SHANK2: variants seen among roughly 807,000 people sequenced by gnomAD.
SHANK2 encodes SH3 and multiple ankyrin repeat domains 2.
Under a neutral mutation model 133.7 loss-of-function variants are expected in SHANK2, and 43 were observed. The observed-to-expected ratio is 0.32, with a 90% CI of 0.25 to 0.41. The LOEUF (loss-of-function observed/expected upper bound fraction) is 0.41, where lower values mean the gene tolerates loss of function less well. Ranked by LOEUF, SHANK2 falls within the 10% of genes least tolerant of loss-of-function variation. The probability of loss-of-function intolerance (pLI) is 1.00; values close to 1 mark genes in which losing one functional copy is unlikely to be tolerated. For synonymous variants in SHANK2, 1,017 were observed against 952.8 expected, an observed-to-expected ratio of 1.07 and a Z score of -1.24; for missense variants, 1,994 against 2,235.8, an observed-to-expected ratio of 0.89 and a Z score of 2.18.
At chr11:70,852,446 G>A (rs1164202545) in intron 11 of SHANK2, among the ~76,000 whole-genome samples, 7 of 152,222 alleles carry the variant, frequency 4.6e-5, no homozygotes, top group African/African-American at 1.7e-4. Flanking sequence ...AGGGTTGCAG[G>A]GGAAGGGCAG....
intron 3 of SHANK2, among the ~76,000 whole-genome samples, chr11:71,142,994 G>C (rs1316069327): frequency 1.1e-4 from 16 of 152,226 alleles, no homozygotes; most frequent in Admixed American, 1.0e-3. Context: ...AGCACTTTGG[G>C]AGGCCGAGGC....
chr11:71,211,090 T>G (rs532540737), intron 2 of SHANK2, among the ~76,000 whole-genome samples: 1 of 151,942 alleles, frequency 6.6e-6, no homozygotes, highest in Non-Finnish European at 1.5e-5. Context: ...AAGTTCACGA[T>G]GACAGCTCCC....
At chr11:70,781,558 T>TTATTTA (rs71049941) in intron 14 of SHANK2, among the ~76,000 whole-genome samples, 11 of 28,962 alleles carry the variant, frequency 3.8e-4, no homozygotes, top group South Asian at 1.8e-3. Flanking sequence ...TACTTACTTA[T>TTATTTA]TATATATATA....
At chr11:71,117,414 C>T (rs1951998192) in intron 4 of SHANK2, among the ~76,000 whole-genome samples, 1 of 152,142 alleles carries the variant, frequency 6.6e-6, no homozygotes, top group African/African-American at 2.4e-5. Context: ...TGGCAGAGTT[C>T]CTAAAACCTT....
intron 15 of SHANK2, among the ~76,000 whole-genome samples, chr11:70,671,790 T>C (rs1377602249): frequency 1.1e-4 from 17 of 152,128 alleles, no homozygotes; most frequent in African/African-American, 4.1e-4. Context: ...AAGCAAGGGA[T>C]GCCAGGATGC....
At chr11:70,618,619 G>A (rs1011981625) in intron 17 of SHANK2, among the ~76,000 whole-genome samples, 5 of 152,140 alleles carry the variant, frequency 3.3e-5, no homozygotes, top group Non-Finnish European at 5.9e-5. Flanking sequence ...GCAGAATTAC[G>A]AGGCATTTCA....
rs552784145 is a variant in SHANK2, at chr11:70,698,695, T to C, written c.1846A>G (p.Thr616Ala). ...YTVGSYDSFD[T>A]SSDCIIEEKT... Reference sequence around the variant, plus strand: ...GAAAGCAGCGCGTCTTACCTGGAAGTGTCGAAGCTGTCATAGGAGCCCACG... The same window carrying C: ...GAAAGCAGCGCGTCTTACCTGGAAGCGTCGAAGCTGTCATAGGAGCCCACG... Residue 616 changes from threonine to alanine, a missense_variant, in exon 15 of 26, where the codon ACT becomes GCT. Physicochemically the swap from Thr to Ala is moderately conservative, Grantham distance 58. This residue lies in a region of SHANK2 where 653 missense variants were observed against 563.4 expected (regional missense o/e 1.16). Coordinates refer to ENST00000601538, the MANE Select transcript of SHANK2 (RefSeq NM_012309.5). 4.0e-4 allele frequency: 290 copies of C among 718,626 alleles called. No homozygotes were observed. The highest frequency in any genetic ancestry group is 1.8e-5 in the Non-Finnish European group (7 of 385,098). The allele number at this position is 718,626 out of a possible 1,614,324, so 44.5% of individuals were successfully genotyped here.
intron 17 of SHANK2, among the ~76,000 whole-genome samples, chr11:70,659,142 A>G (rs1338711656): frequency 6.6e-6 from 1 of 152,140 alleles, no homozygotes; most frequent in Non-Finnish European, 1.5e-5. Flanking sequence ...CCTCGCACAC[A>G]CCAACGTGCC....
At position 70,674,809 on chromosome 11, in the gene SHANK2, G is replaced by A. The variant is rs1555016837; in HGVS notation, c.1854-13131C>T. On this transcript the variant is annotated intron_variant, in intron 15 of 25. Transcript: ENST00000601538. ...AGCCATGACAATATGTAAATGATGG[G>A]TGGGGCTGTGTTCCAATAAAACTTT... Among the ~76,000 whole-genome samples the A allele has an allele frequency of 2.0e-5, 3 of 152,266 alleles. No individual in the cohort carries two copies. The East Asian group carries it at 5.8e-4, about 29-fold the overall frequency.
rs148432471 is a variant in SHANK2 at position 71,146,472 on chromosome 11, G to A, written c.207+648C>T. 4.9e-4 allele frequency among the ~76,000 whole-genome samples: 75 copies of A among 152,192 alleles called. 1 individual carries two copies. In the East Asian group the frequency reaches 0.011, roughly 22 times the overall value. ...CCAGTTCCCAGGGGCCAACCTCCTC[G>A]GGGAAGGCAAATCCAACAAAAGGGA... On this transcript the variant is annotated intron_variant, in intron 3 of 25. Transcript: ENST00000601538.
intron 10 of SHANK2, among the ~76,000 whole-genome samples, chr11:70,947,313 C>G (rs956020428): frequency 4.6e-5 from 7 of 151,724 alleles, no homozygotes; most frequent in African/African-American, 1.7e-4. Flanking sequence ...CTGCAGAGCA[C>G]CTGAAACATG....
Position 70,473,131 on chromosome 11 carries a change from G to A in SHANK2, c.5288C>T (p.Ser1763Leu). ...CTGTTGCAGTATCGAGGGGGATGGC[G>A]ACCTACTGCGTCCCGCTGGGTTCAA... ...FGLNPAGRSR[S>L]PSPSILQQPI... The change falls in exon 26 of 26, where the codon TCG becomes TTG. Residue 1763 changes from serine (S) to leucine (L), a missense_variant. Ser to Leu is a moderately radical substitution (Grantham distance 145). This residue lies in a region of SHANK2 where 797 missense variants were observed against 907.4 expected (regional missense o/e 0.88). Coordinates refer to ENST00000601538, the MANE Select transcript of SHANK2 (RefSeq NM_012309.5). This position sits in a 1 kb window ranked among gnomAD's most constrained non-coding sequence, Gnocchi z 5.9. The A allele has an allele frequency of 2.5e-6, 4 of 1,614,236 alleles. No homozygotes were observed. The highest frequency in any genetic ancestry group is 3.4e-6 in the Non-Finnish European group (4 of 1,180,038).
At chr11:70,592,611 C>G (rs782257696) in intron 17 of SHANK2, among the ~76,000 whole-genome samples, 14 of 152,196 alleles carry the variant, frequency 9.2e-5, no homozygotes, top group Middle Eastern at 3.4e-3. Context: ...CTGCACCCCC[C>G]GTTGAGGGCA....
intron 10 of SHANK2, chr11:70,933,165 G>C: frequency 2.2e-6 from 1 of 456,666 alleles, no homozygotes; most frequent in Non-Finnish European, 4.4e-6. Flanking sequence ...ATCCATGCAG[G>C]TGGAATATTA....
At chr11:71,201,634 T>C (rs1370918205) in intron 2 of SHANK2, among the ~76,000 whole-genome samples, 1 of 152,160 alleles carries the variant, frequency 6.6e-6, no homozygotes, top group East Asian at 1.9e-4. Flanking sequence ...ACTATTCCCA[T>C]TTTACAGATA....
At chr11:71,194,539 G>C (rs1395220321) in intron 2 of SHANK2, among the ~76,000 whole-genome samples, 1 of 152,294 alleles carries the variant, frequency 6.6e-6, no homozygotes, top group African/African-American at 2.4e-5. Flanking sequence ...AGGTGCCAAT[G>C]GGAGGGGGGC....
intron 10 of SHANK2, among the ~76,000 whole-genome samples, chr11:70,909,438 GC>G (rs369964229): frequency 1.3e-5 from 2 of 152,100 alleles, no homozygotes; most frequent in Admixed American, 6.6e-5. Context: ...GAGTGATCAA[GC>G]TGATCATAAT....
At chr11:71,149,945 A>G (rs115570259) in intron 2 of SHANK2, among the ~76,000 whole-genome samples, 328 of 5,056 alleles carry the variant, frequency 0.065, 42 homozygotes, top group African/African-American at 0.22. Context: ...GGGGAGGGGA[A>G]GGAGGGAGAG....
chr11:71,062,086 G>A (rs1483204465), intron 9 of SHANK2, among the ~76,000 whole-genome samples: 6 of 147,074 alleles, frequency 4.1e-5, no homozygotes, highest in African/African-American at 1.3e-4. Flanking sequence ...CTCTCAAGTA[G>A]CTAGGATTAC....
Sources: allele counts gnomAD v4.1 joint callset (sites outside exome capture counted in the v4.1 genomes callset), GRCh38; gene constraint gnomAD v4.1.1; regional missense constraint gnomAD v4.1.1; non-coding constraint Gnocchi (gnomAD v3.1); transcripts MANE v1.5; gene names NCBI Gene and HGNC (gene_info 2026-07-23, HGNC 2026-07-21).